Variants in CPM observed in about 807,000 individuals in gnomAD.
The protein encoded by CPM is carboxypeptidase M.
CPM carries 35 observed loss-of-function variants against 46.4 expected under a neutral mutation model. The observed-to-expected ratio is 0.75, with a 90% CI of 0.58 to 1.00. The LOEUF is 1.00. CPM is among the 50% of genes least tolerant of loss of function. The probability of loss-of-function intolerance (pLI) is 0.00; values close to 1 mark genes in which losing one functional copy is unlikely to be tolerated. For synonymous variants in CPM, 195 were observed against 195.3 expected, an observed-to-expected ratio of 1.00 and a Z score of 0.01; for missense variants, 422 against 530.4, an observed-to-expected ratio of 0.80 and a Z score of 2.01.
At chr12:68,895,345 A>G (rs1886827597) in intron 2 of CPM, among the ~76,000 whole-genome samples, 1 of 152,128 alleles carries the variant, frequency 6.6e-6, no homozygotes, top group African/African-American at 2.4e-5. Context: ...TCCCTCTGAC[A>G]TAAGACAGGC....
intron 1 of CPM, 118 bp downstream of exon 1, chr12:68,933,024 G>A (rs1888578502): frequency 1.8e-6 from 1 of 543,978 alleles, no homozygotes; most frequent in Non-Finnish European, 3.2e-6. Flanking sequence ...CCGGGAGCAC[G>A]GGCAGCCTCG....
In CPM at chr12:68,855,499, T is replaced by C. The variant is rs1282446998; in HGVS notation, c.*938A>G. 1 of 152,180 alleles carries C rather than the reference T, an allele frequency of 6.6e-6. No individual in the cohort carries two copies. The allele number at this position is 152,180 out of a possible 1,614,324, so 9.4% of individuals were successfully genotyped here. A position where few individuals can be genotyped will look rare whatever the true frequency, so the allele number is the denominator to read the frequency against. On this transcript the variant is annotated 3_prime_UTR_variant, in exon 9 of 9. Transcript: ENST00000551568. ...AACGGCTCTGGAGAGAGAGGGGCTT[T>C]CTTAATTGACCTGTATGCTTTGAAG...
upstream of CPM, among the ~76,000 whole-genome samples, chr12:68,937,843 G>A (rs1283272667): frequency 6.6e-6 from 1 of 152,136 alleles, no homozygotes; most frequent in Non-Finnish European, 1.5e-5. Flanking sequence ...AAACAATGAA[G>A]GCATTTTAAT....
chr12:68,942,291 G>T (rs1008946672), intron 1 of CPM, among the ~76,000 whole-genome samples: 1 of 152,142 alleles, frequency 6.6e-6, no homozygotes, highest in East Asian at 1.9e-4. Context: ...TCCTTTGAGA[G>T]ATTTAGAAAG....
At chr12:68,933,407 T>G (rs913196431), upstream of CPM, among the ~76,000 whole-genome samples, 5 of 151,394 alleles carry the variant, frequency 3.3e-5, no homozygotes, top group Non-Finnish European at 5.9e-5. Context: ...GGGCATGGAG[T>G]CGCCGCTCGC....
At chr12:68,905,159 C>T (rs774008394) in intron 2 of CPM, among the ~76,000 whole-genome samples, 22 of 152,164 alleles carry the variant, frequency 1.4e-4, no homozygotes, top group Admixed American at 4.6e-4. Flanking sequence ...ATCCACCCGC[C>T]TCAGCCTCCC....
At chr12:68,889,582 A>G (rs1412032310) in intron 2 of CPM, among the ~76,000 whole-genome samples, 1 of 152,142 alleles carries the variant, frequency 6.6e-6, no homozygotes, top group East Asian at 1.9e-4. Context: ...TAATCCCAGC[A>G]CTTTGGGAGG....
intron 3 of CPM, 81 bp downstream of exon 3, chr12:68,885,711 C>T (rs1592660873): frequency 2.6e-6 from 3 of 1,139,460 alleles, no homozygotes; most frequent in South Asian, 1.4e-5. Context: ...CAGGCTTCCT[C>T]GGTAGCATTT....
chr12:68,942,685 C>T (rs1888783344), intron 1 of CPM, among the ~76,000 whole-genome samples: 1 of 152,202 alleles, frequency 6.6e-6, no homozygotes, highest in Non-Finnish European at 1.5e-5. Context: ...AGCCAAAAAT[C>T]TCCACTAAAG....
chr12:68,842,297 A>G (rs1883835761), exon 6 of CPM: 2 of 496,212 alleles, frequency 4.0e-6, no homozygotes, highest in Non-Finnish European at 8.0e-6. Context: ...GGCAAAACTC[A>G]TCTTGACCCC....
chr12:68,887,511 T>C (rs1886482911), intron 2 of CPM, among the ~76,000 whole-genome samples: 1 of 152,228 alleles, frequency 6.6e-6, no homozygotes, highest in Non-Finnish European at 1.5e-5. Context: ...CATAAGGTGA[T>C]GCTTTAAATT....
At chr12:68,861,175 C>A (rs74916088) in intron 7 of CPM, among the ~76,000 whole-genome samples, 23,899 of 152,088 alleles carry the variant, frequency 0.16, 2,252 homozygotes, top group Middle Eastern at 0.3. Flanking sequence ...TGTGAGCCAC[C>A]AGGCCTGGCT....
intron 2 of CPM, among the ~76,000 whole-genome samples, chr12:68,905,517 G>C (rs1284031015): frequency 6.6e-6 from 1 of 152,054 alleles, no homozygotes; most frequent in African/African-American, 2.4e-5. Context: ...CTGGGCTCAA[G>C]TGATCCACTC....
chr12:68,925,845 T>C (rs1249319903), intron 2 of CPM, among the ~76,000 whole-genome samples: 1 of 152,202 alleles, frequency 6.6e-6, no homozygotes, highest in African/African-American at 2.4e-5. Context: ...AAGTCATATA[T>C]ATAATTTTAA....
intron 1 of CPM, among the ~76,000 whole-genome samples, chr12:68,953,785 T>C (rs1888972199): frequency 6.6e-6 from 1 of 152,232 alleles, no homozygotes; most frequent in African/African-American, 2.4e-5. Flanking sequence ...ATTCGTTGAA[T>C]CAAATGGAAC....
intron 4 of CPM, 96 bp downstream of exon 4, chr12:68,871,688 C>T: frequency 7.4e-7 from 1 of 1,343,822 alleles, no homozygotes; most frequent in Non-Finnish European, 1.0e-6. Context: ...AGGGCTCTCA[C>T]CATGACACAT....
chr12:68,870,668 T>G (rs1429211811), intron 4 of CPM, among the ~76,000 whole-genome samples: 1 of 152,196 alleles, frequency 6.6e-6, no homozygotes, highest in Non-Finnish European at 1.5e-5. Context: ...GGACTTCTGC[T>G]CTTAGATGCT....
chr12:68,879,132 G>A (rs906684168), intron 3 of CPM, among the ~76,000 whole-genome samples: 3 of 152,176 alleles, frequency 2.0e-5, no homozygotes, highest in Non-Finnish European at 4.4e-5. Flanking sequence ...AGGTTACAGT[G>A]AGCCATGATC....
chr12:68,921,711 C>G (rs765025791), intron 2 of CPM, among the ~76,000 whole-genome samples: 1 of 152,062 alleles, frequency 6.6e-6, no homozygotes, highest in Non-Finnish European at 1.5e-5. Context: ...TCTAAGTTAT[C>G]ATATTATTTA....
Sources: allele counts gnomAD v4.1 joint callset (sites outside exome capture counted in the v4.1 genomes callset), GRCh38; gene constraint gnomAD v4.1.1; transcripts MANE v1.5; gene names NCBI Gene and HGNC (gene_info 2026-07-23, HGNC 2026-07-21).